The following FSHR variants were observed in gnomAD, a reference collection of about 807,000 sequenced individuals.
FSHR encodes the protein follicle-stimulating hormone receptor.
Under a neutral mutation model 52.1 loss-of-function variants are expected in FSHR, and 46 were observed. The ratio of observed to expected loss-of-function variants is 0.88; its 90% CI spans 0.70 to 1.13. The LOEUF is 1.13. Ranked by LOEUF, FSHR falls within the 50% of genes most tolerant of loss-of-function variation. The probability of loss-of-function intolerance (pLI) is 0.00; values close to 1 mark genes in which losing one functional copy is unlikely to be tolerated. For missense variants in FSHR, 964 were observed against 834.6 expected (o/e 1.16, Z -1.91); for synonymous variants, 399 against 309.6 (o/e 1.29, Z -3.03).
chr2:49,087,761 A>G (rs1307598803), intron 1 of FSHR, among the ~76,000 whole-genome samples: 1 of 152,182 alleles, frequency 6.6e-6, no homozygotes. Flanking sequence ...GAGGACTAAT[A>G]TATCCTGTTA....
chr2:49,117,366 T>C (rs146003609), intron 1 of FSHR, among the ~76,000 whole-genome samples: 2,014 of 152,322 alleles, frequency 0.013, 36 homozygotes, highest in African/African-American at 0.046. Flanking sequence ...ACATATTTAA[T>C]GTGATAGAGC....
intron 1 of FSHR, among the ~76,000 whole-genome samples, chr2:49,116,429 A>G (rs1671602962): frequency 6.6e-6 from 1 of 152,128 alleles, no homozygotes; most frequent in Admixed American, 6.6e-5. Flanking sequence ...TGAGAGTTTT[A>G]GTCTTTGTTA....
intron 1 of FSHR, among the ~76,000 whole-genome samples, chr2:49,122,535 A>T (rs1025168721): frequency 6.6e-6 from 1 of 152,058 alleles, no homozygotes; most frequent in African/African-American, 2.4e-5. Context: ...TTCTAGTTTT[A>T]TCCTGGCTGA....
intron 4 of FSHR, among the ~76,000 whole-genome samples, chr2:48,994,961 G>T (rs897261062): frequency 6.6e-6 from 1 of 152,054 alleles, no homozygotes; most frequent in African/African-American, 2.4e-5. Context: ...AACTTAGCGG[G>T]GTCCTGTAAT....
At chr2:49,011,785 C>T (rs1223970662) in intron 4 of FSHR, among the ~76,000 whole-genome samples, 3 of 152,080 alleles carry the variant, frequency 2.0e-5, no homozygotes, top group Non-Finnish European at 4.4e-5. Context: ...TTCCTTGCTA[C>T]TCTGAGCTGC....
At position 48,963,323 on chromosome 2, in the gene FSHR, C is replaced by G. The variant is rs1674317632; in HGVS notation, c.1498G>C (p.Ala500Pro). 1.2e-6 allele frequency: 2 copies of G among 1,614,028 alleles called. No individual in the cohort carries two copies. The highest frequency in any genetic ancestry group is 2.7e-5 in the African/African-American group (2 of 75,062). ...MVMGWIFAFA[A>P]ALFPIFGISS... is the part of the protein sequence containing the mutation. ...ATGCCAAAGATGGGAAAGAGGGCAG[C>G]TGCAAAAGCAAAAATCCAGCCCATC... The change falls in exon 10 of 10, where the codon GCT becomes CCT. Residue 500 changes from alanine to proline, a missense_variant. Coordinates refer to ENST00000406846, the MANE Select transcript of FSHR (RefSeq NM_000145.4).
chr2:49,110,916 G>C (rs898872051), intron 1 of FSHR, among the ~76,000 whole-genome samples: 2 of 152,084 alleles, frequency 1.3e-5, no homozygotes, highest in African/African-American at 4.8e-5. Flanking sequence ...TAATTTAAGG[G>C]GACTGATTCT....
intron 2 of FSHR, among the ~76,000 whole-genome samples, chr2:49,056,851 A>G (rs570514223): frequency 2.0e-5 from 3 of 152,260 alleles, no homozygotes; most frequent in East Asian, 3.9e-4. Context: ...CTAGAAATCA[A>G]TAACAAGAGA....
intron 2 of FSHR, among the ~76,000 whole-genome samples, chr2:49,055,935 C>A (rs1413282836): frequency 6.6e-6 from 1 of 152,016 alleles, no homozygotes; most frequent in African/African-American, 2.4e-5. Flanking sequence ...AGTAAAAAGA[C>A]TGAAACCAAC....
chr2:49,105,140 C>A (rs938153799), intron 1 of FSHR, among the ~76,000 whole-genome samples: 1 of 152,172 alleles, frequency 6.6e-6, no homozygotes, highest in South Asian at 2.1e-4. Flanking sequence ...AACACAAACA[C>A]AAATCACAAA....
chr2:49,005,739 A>G (rs1250155564), intron 4 of FSHR, among the ~76,000 whole-genome samples: 1 of 152,190 alleles, frequency 6.6e-6, no homozygotes, highest in African/African-American at 2.4e-5. Flanking sequence ...ATGCCTTTCT[A>G]TCCCTCTAAG....
intron 1 of FSHR, among the ~76,000 whole-genome samples, chr2:49,097,891 CT>C (rs1387359221): frequency 6.6e-6 from 1 of 152,034 alleles, no homozygotes; most frequent in African/African-American, 2.4e-5. Flanking sequence ...AATTTGAAGT[CT>C]TTTTATTTGC....
intron 1 of FSHR, among the ~76,000 whole-genome samples, chr2:49,109,412 C>T (rs977609734): frequency 6.6e-6 from 1 of 152,066 alleles, no homozygotes; most frequent in South Asian, 2.1e-4. Context: ...AGAGGAGGTG[C>T]CATGGCCAGA....
Position 49,040,344 on chromosome 2 carries a change from A to G in FSHR, c.225-20184T>C, listed in dbSNP as rs185670732. On this transcript the variant is annotated intron_variant, in intron 2 of 9. Transcript: ENST00000406846. ...GGCTTTCTTAGAAGAGTACCTCCCT[A>G]TCCTTCTAACCCTGCTCTAATTTTT... 2.9e-3 allele frequency among the ~76,000 whole-genome samples: 444 copies of G among 152,236 alleles called. 11 individuals carry two copies. Among genetic ancestry groups the G allele is most frequent in the Admixed American group, 0.025 (386 of 15,304 alleles).
intron 2 of FSHR, among the ~76,000 whole-genome samples, chr2:49,025,755 T>C (rs1225977741): frequency 6.6e-6 from 1 of 152,170 alleles, no homozygotes; most frequent in East Asian, 1.9e-4. Flanking sequence ...ACCTCACCTA[T>C]AGAATCATTT....
At chr2:49,114,016 A>AG (rs1671515582) in intron 1 of FSHR, among the ~76,000 whole-genome samples, 1 of 152,154 alleles carries the variant, frequency 6.6e-6, no homozygotes, top group South Asian at 2.1e-4. Context: ...TCCAGCTTCC[A>AG]GGTCACACCA....
At chr2:49,029,773 C>T (rs550803963) in intron 2 of FSHR, among the ~76,000 whole-genome samples, 79 of 152,314 alleles carry the variant, frequency 5.2e-4, no homozygotes, top group Non-Finnish European at 9.8e-4. Flanking sequence ...ATTAACCACT[C>T]TTCTTGAGTC....
intron 8 of FSHR, among the ~76,000 whole-genome samples, chr2:48,969,563 G>T (rs74611035): frequency 8.5e-5 from 10 of 117,114 alleles, no homozygotes; most frequent in African/African-American, 3.3e-4. Context: ...AAAATCCTAT[G>T]TGTACCTCAG....
At chr2:49,118,682 G>A (rs1385596503) in intron 1 of FSHR, among the ~76,000 whole-genome samples, 1 of 152,110 alleles carries the variant, frequency 6.6e-6, no homozygotes, top group Non-Finnish European at 1.5e-5. Flanking sequence ...ATTTGACTTA[G>A]GTTTCACCTA....
Sources: gnomAD v4.1 joint callset for allele counts (sites outside exome capture counted in the v4.1 genomes callset) on GRCh38, gnomAD v4.1.1 for gene constraint, MANE v1.5 for transcripts, NCBI Gene and HGNC (gene_info 2026-07-23, HGNC 2026-07-21) for gene names.